The following GNA14 variants were observed in gnomAD, a reference collection of about 807,000 sequenced individuals.
GNA14 encodes G protein subunit alpha 14.
In GNA14, 50 loss-of-function variants were observed where a neutral mutation model predicts 42.0. The ratio of observed to expected loss-of-function variants is 1.19; its 90% CI spans 0.95 to 1.51. GNA14 has a LOEUF of 1.51. Ranked by LOEUF, GNA14 falls within the 40% of genes most tolerant of loss-of-function variation. GNA14 has a pLI of 0.00. For missense variants in GNA14, 473 were observed against 446.2 expected, an observed-to-expected ratio of 1.06 and a Z score of -0.54; for synonymous variants, 173 against 163.1, an observed-to-expected ratio of 1.06 and a Z score of -0.46.
Position 77,425,596 on chromosome 9 carries a change from G to A in GNA14, c.843C>T (p.Tyr281=). The change falls in exon 6 of 7, where the codon TAC becomes TAT. Residue 281 remains tyrosine, a synonymous_variant. Coordinates refer to ENST00000341700, the MANE Select transcript of GNA14 (RefSeq NM_004297.4). The stretch of plus-strand genomic sequence containing the variant: ...CTGGGAAATAGCTAATTAGATGAGA[G>A]TACATGATTTTCTCTTCCAAAAGAT... ...KKDLLEEKIM[Y]SHLISYFPEY... 6.2e-7 allele frequency: 1 copy of A among 1,608,238 alleles called. No homozygotes were observed. The highest frequency in any genetic ancestry group is 1.1e-5 in the South Asian group (1 of 90,712).
At chr9:77,601,573 T>C (rs1823565062) in intron 1 of GNA14, among the ~76,000 whole-genome samples, 1 of 152,212 alleles carries the variant, frequency 6.6e-6, no homozygotes, top group African/African-American at 2.4e-5. Flanking sequence ...GAGACATCAT[T>C]TGCAGGAGTA....
Position 77,540,677 on chromosome 9 carries a change from AGTT to A in GNA14, c.125-11427_125-11425del, listed in dbSNP as rs201685961. On this transcript the variant is annotated intron_variant, in intron 1 of 6. Coordinates refer to ENST00000341700, the MANE Select transcript of GNA14 (RefSeq NM_004297.4). ...CAGTTTTGGGAGCATATATATTTAAAGTTGTTATTTCCTCTTGCTGGATTGATC... is the reference window on the plus strand; with the variant it reads ...CAGTTTTGGGAGCATATATATTTAAAGTTATTTCCTCTTGCTGGATTGATC... Among the ~76,000 whole-genome samples the A allele has an allele frequency of 9.6e-3, 1,465 of 152,230 alleles. 28 individuals carry two copies. The highest frequency in any genetic ancestry group is 0.034 in the African/African-American group (1,401 of 41,542).
intron 1 of GNA14, among the ~76,000 whole-genome samples, chr9:77,627,287 C>T (rs1824026275): frequency 6.6e-6 from 1 of 152,058 alleles, no homozygotes; most frequent in South Asian, 2.1e-4. Context: ...GATTCACAGC[C>T]AAATTCTACC....
chr9:77,647,105 A>C (rs771251482), intron 1 of GNA14, among the ~76,000 whole-genome samples: 14 of 152,348 alleles, frequency 9.2e-5, no homozygotes, highest in South Asian at 2.1e-4. Context: ...CTGACCTAGC[A>C]TCGGCTTTGC....
intron 2 of GNA14, among the ~76,000 whole-genome samples, chr9:77,441,386 C>A (rs1193879530): frequency 6.6e-6 from 1 of 152,168 alleles, no homozygotes; most frequent in Non-Finnish European, 1.5e-5. Context: ...TCCCCTTCTG[C>A]CACGGTTGTA....
intron 1 of GNA14, among the ~76,000 whole-genome samples, chr9:77,617,212 A>G (rs1564067479): frequency 6.6e-6 from 1 of 152,114 alleles, no homozygotes; most frequent in South Asian, 2.1e-4. Context: ...GATATTCACA[A>G]TTATAAAGAT....
chr9:77,443,901 G>T (rs1835774924), intron 2 of GNA14, among the ~76,000 whole-genome samples: 1 of 152,180 alleles, frequency 6.6e-6, no homozygotes, highest in Admixed American at 6.5e-5. Flanking sequence ...AGGATCATTT[G>T]AACCCAGGTG....
chr9:77,442,170 G>A (rs1412144627), intron 2 of GNA14, among the ~76,000 whole-genome samples: 4 of 152,156 alleles, frequency 2.6e-5, no homozygotes, highest in African/African-American at 9.7e-5. Flanking sequence ...CCAGGAGTTC[G>A]AGACCCGACT....
At chr9:77,437,546 GAGAA>G (rs942021922) in intron 2 of GNA14, among the ~76,000 whole-genome samples, 41 of 143,574 alleles carry the variant, frequency 2.9e-4, no homozygotes, top group African/African-American at 1.1e-3. Flanking sequence ...GTATAAGAAA[GAGAA>G]AGAGAGAGAG....
chr9:77,615,417 C>T (rs1823795487), intron 1 of GNA14, among the ~76,000 whole-genome samples: 1 of 152,058 alleles, frequency 6.6e-6, no homozygotes, highest in Non-Finnish European at 1.5e-5. Context: ...TGGCAAAGTC[C>T]TGAGGAGTTC....
intron 1 of GNA14, among the ~76,000 whole-genome samples, chr9:77,573,651 T>C (rs1823091543): frequency 6.6e-6 from 1 of 152,104 alleles, no homozygotes; most frequent in South Asian, 2.1e-4. Flanking sequence ...GGGGAAATCT[T>C]GCACCAAAAT....
chr9:77,513,347 T>C (rs1338521386), intron 2 of GNA14, among the ~76,000 whole-genome samples: 1 of 152,228 alleles, frequency 6.6e-6, no homozygotes, highest in Non-Finnish European at 1.5e-5. Flanking sequence ...ACTTGTGTGA[T>C]CTTGGGAAAG....
At chr9:77,580,125 T>C (rs1421875854) in intron 1 of GNA14, 1 of 193,576 alleles carries the variant, frequency 5.2e-6, no homozygotes, top group Non-Finnish European at 1.1e-5. Context: ...TTTGTGCCCA[T>C]TATGCAAGCA....
chr9:77,628,707 C>G (rs1285878994), intron 1 of GNA14, among the ~76,000 whole-genome samples: 1 of 152,026 alleles, frequency 6.6e-6, no homozygotes, highest in Non-Finnish European at 1.5e-5. Flanking sequence ...GAAACTGGAC[C>G]CCTTCCTTAC....
chr9:77,517,984 G>A (rs1446277375), intron 2 of GNA14: 1 of 152,074 alleles, frequency 6.6e-6, no homozygotes, highest in Non-Finnish European at 1.5e-5. Context: ...GACATATTAT[G>A]TATAACATTG....
At chr9:77,646,540 CT>C (rs1031799198) in intron 1 of GNA14, among the ~76,000 whole-genome samples, 1 of 152,174 alleles carries the variant, frequency 6.6e-6, no homozygotes, top group Non-Finnish European at 1.5e-5. Context: ...GGCTGAGAGC[CT>C]TCTCTATATT....
At chr9:77,517,779 A>C (rs930473472) in intron 2 of GNA14, among the ~76,000 whole-genome samples, 1 of 150,414 alleles carries the variant, frequency 6.6e-6, no homozygotes, top group Non-Finnish European at 1.5e-5. Flanking sequence ...TAATTTTTAT[A>C]TTTTTTGTAG....
At chr9:77,506,146 G>A (rs1210997551) in intron 2 of GNA14, among the ~76,000 whole-genome samples, 3 of 151,730 alleles carry the variant, frequency 2.0e-5, no homozygotes, top group Admixed American at 1.3e-4. Flanking sequence ...GCCAGGCATG[G>A]TGGTGCATGC....
intron 2 of GNA14, among the ~76,000 whole-genome samples, chr9:77,512,290 G>T (rs1230304030): frequency 2.0e-5 from 3 of 152,152 alleles, no homozygotes; most frequent in Admixed American, 2.0e-4. Context: ...GGGACTAGAG[G>T]AGTTTTAGTC....
Sources: allele counts gnomAD v4.1 joint callset (sites outside exome capture counted in the v4.1 genomes callset), GRCh38; gene constraint gnomAD v4.1.1; transcripts MANE v1.5; gene names NCBI Gene and HGNC (gene_info 2026-07-23, HGNC 2026-07-21).